Variants in DNAJB6 observed in about 807,000 individuals in gnomAD.
The protein encoded by DNAJB6 is dnaJ homolog subfamily B member 6.
Under a neutral mutation model 42.7 loss-of-function variants are expected in DNAJB6, and 16 were observed. The ratio of observed to expected loss-of-function variants is 0.37; its 90% CI spans 0.25 to 0.57. DNAJB6 has a LOEUF of 0.57. Ranked by LOEUF, DNAJB6 falls within the 20% of genes least tolerant of loss-of-function variation. The probability of loss-of-function intolerance (pLI) is 0.74; values close to 1 mark genes in which losing one functional copy is unlikely to be tolerated. For missense variants in DNAJB6, 347 were observed against 416.8 expected, an observed-to-expected ratio of 0.83 and a Z score of 1.46; for synonymous variants, 170 against 163.5, an observed-to-expected ratio of 1.04 and a Z score of -0.30.
rs118103803 is a variant in DNAJB6 at position 157,387,054 on chromosome 7, G to A, written c.691+1443G>A. On this transcript the variant is annotated intron_variant, in intron 8 of 9. Coordinates refer to ENST00000262177, the MANE Select transcript of DNAJB6 (RefSeq NM_058246.4). ...CTAAACAGCGTGAAAACCGCTAGAA[G>A]GACAGGCGGTTCCCTGACAAACAGC... 5.0e-3 allele frequency among the ~76,000 whole-genome samples: 760 copies of A among 152,324 alleles called. 4 individuals are homozygous for A. The highest frequency in any genetic ancestry group is 8.4e-3 in the Non-Finnish European group (571 of 68,018).
At chr7:157,373,355 T>C (rs1446327841) in intron 5 of DNAJB6, among the ~76,000 whole-genome samples, 1 of 152,166 alleles carries the variant, frequency 6.6e-6, no homozygotes, top group Non-Finnish European at 1.5e-5. Flanking sequence ...ACATGTGCCC[T>C]CACCCCTCGC....
intron 8 of DNAJB6, among the ~76,000 whole-genome samples, chr7:157,403,622 C>T (rs1211618014): frequency 2.6e-5 from 4 of 152,130 alleles, no homozygotes; most frequent in African/African-American, 9.7e-5. Context: ...CAGGTGTGCA[C>T]CCCTGTGCCC....
In DNAJB6 at chr7:157,382,426, C is replaced by T. The variant is rs373089270; in HGVS notation, c.478+49C>T. On this transcript the variant is annotated intron_variant, in intron 6 of 9. Transcript: ENST00000262177. ...TCTGTTATCTTAACAGCAGTTAGTA[C>T]TTATAAAATCATAATACTCTTTTAG... 4 of 1,529,824 alleles carry T rather than the reference C, an allele frequency of 2.6e-6. No homozygotes were observed. In the African/African-American group the frequency reaches 4.2e-5, roughly 16 times the overall value. 94.8% of individuals were successfully genotyped at this position (1,529,824 alleles called of 1,614,324 possible). A position where few individuals can be genotyped will look rare whatever the true frequency, so the allele number is the denominator to read the frequency against.
At chr7:157,394,837 C>T (rs1233666112) in intron 8 of DNAJB6, among the ~76,000 whole-genome samples, 1 of 152,222 alleles carries the variant, frequency 6.6e-6, no homozygotes, top group South Asian at 2.1e-4. Flanking sequence ...TGGCTTACGC[C>T]TGTAATTCCA....
At chr7:157,397,209 GT>G (rs2117149853) in intron 8 of DNAJB6, among the ~76,000 whole-genome samples, 1 of 152,356 alleles carries the variant, frequency 6.6e-6, no homozygotes, top group South Asian at 2.1e-4. Flanking sequence ...TTCCTGGGAA[GT>G]TGCTAAGCTG....
At chr7:157,354,752 A>C (rs1799185970) in intron 1 of DNAJB6, among the ~76,000 whole-genome samples, 1 of 152,186 alleles carries the variant, frequency 6.6e-6, no homozygotes. Context: ...AAGAACAGTG[A>C]ATGAATTTCA....
rs146885017 is a variant in DNAJB6 at position 157,347,252 on chromosome 7, T to A, written c.-27+10108T>A. Among the ~76,000 whole-genome samples, 13 of 152,324 alleles carry A rather than the reference T, an allele frequency of 8.5e-5. No individual in the cohort carries two copies. The East Asian group carries it at 2.5e-3, about 29-fold the overall frequency. ...TGGCATTTGATGAAAACTAAAAAGG[T>A]AATTTTGAGATTTCAAGTACTGGTG... On this transcript the variant is annotated intron_variant, in intron 1 of 9. Coordinates refer to ENST00000262177, the MANE Select transcript of DNAJB6 (RefSeq NM_058246.4).
chr7:157,357,212 G>GTCCGTCCT (rs1554454980), intron 1 of DNAJB6, among the ~76,000 whole-genome samples: 1 of 61,850 alleles, frequency 1.6e-5, no homozygotes, highest in African/African-American at 5.4e-5. Context: ...TGATACTGTT[G>GTCCGTCCT]TCCTTCCTTC....
intron 3 of DNAJB6, among the ~76,000 whole-genome samples, chr7:157,364,754 C>G (rs1489565073): frequency 6.6e-6 from 1 of 152,154 alleles, no homozygotes; most frequent in Non-Finnish European, 1.5e-5. Context: ...TTTAAACTAC[C>G]ACACTGAAAA....
chr7:157,385,551 A>C lies in DNAJB6; in HGVS notation c.631A>C (p.Asn211His). ...RKITTKRIVE[N>H]GQERVEVEED... ...ATTTTTTTCCTACAGAATTGTCGAG[A>C]ACGGTCAAGAAAGAGTAGAAGTTGA... The change falls in exon 8 of 10, where the codon AAC (asparagine) becomes CAC (histidine). Residue 211 changes from asparagine to histidine, a missense_variant. Transcript: ENST00000262177. 3 of 1,613,278 alleles carry C rather than the reference A, an allele frequency of 1.9e-6. No individual in the cohort carries two copies. The highest frequency in any genetic ancestry group is 2.2e-5 in the South Asian group (2 of 90,858).
chr7:157,392,504 TTTTA>T (rs1211945042), intron 8 of DNAJB6, among the ~76,000 whole-genome samples: 1 of 152,136 alleles, frequency 6.6e-6, no homozygotes. Flanking sequence ...GTGTGTTTAC[TTTTA>T]TTTATTTGGA....
chr7:157,377,121 G>C (rs533935822), intron 5 of DNAJB6, among the ~76,000 whole-genome samples: 1 of 152,284 alleles, frequency 6.6e-6, no homozygotes, highest in East Asian at 1.9e-4. Flanking sequence ...GATGACAAAT[G>C]TTTCCTTTTC....
chr7:157,366,386 C>T, intron 3 of DNAJB6, 116 bp from the exon 4 acceptor site: 1 of 931,940 alleles, frequency 1.1e-6, no homozygotes, highest in African/African-American at 1.7e-5. Flanking sequence ...GGCCATACTC[C>T]TTGAAATTCA....
At chr7:157,375,546 A>G (rs917844103) in intron 5 of DNAJB6, among the ~76,000 whole-genome samples, 3 of 152,236 alleles carry the variant, frequency 2.0e-5, no homozygotes, top group Non-Finnish European at 1.5e-5. Context: ...TTTAACAAAT[A>G]TGGCGTGCCT....
chr7:157,369,581 G>T, intron 5 of DNAJB6: 1 of 318,072 alleles, frequency 3.1e-6, no homozygotes, highest in East Asian at 9.1e-5. Context: ...TAAACAGGCC[G>T]TTTCTCAACA....
At position 157,364,095 on chromosome 7, in the gene DNAJB6, C is replaced by CAA. The variant is rs200155406; in HGVS notation, c.175+832_175+833dup. 1.2e-4 allele frequency among the ~76,000 whole-genome samples: 18 copies of CAA among 151,044 alleles called. 1 individual carries two copies. The highest frequency in any genetic ancestry group is 4.1e-4 in the African/African-American group (17 of 41,072). On this transcript the variant is annotated intron_variant, in intron 3 of 9. Transcript: ENST00000262177. ...TCAGGTAATTGGCCCTTATTTACAA[C>CAA]AAAAAAAATTTTTTTTTTTTTTAAA...
chr7:157,404,280 T>C (rs189434763), intron 8 of DNAJB6, among the ~76,000 whole-genome samples: 1 of 150,060 alleles, frequency 6.7e-6, no homozygotes, highest in African/African-American at 2.5e-5. Context: ...AGCCCTACTG[T>C]GCAGTTTTTT....
intron 6 of DNAJB6, among the ~76,000 whole-genome samples, chr7:157,383,120 C>T (rs533337111): frequency 6.6e-6 from 1 of 152,260 alleles, no homozygotes; most frequent in East Asian, 1.9e-4. Flanking sequence ...GATTCTTGTG[C>T]CTCAGCCTCC....
chr7:157,343,628 T>C (rs1798532064), intron 1 of DNAJB6, among the ~76,000 whole-genome samples: 2 of 152,138 alleles, frequency 1.3e-5, no homozygotes, highest in South Asian at 4.1e-4. Flanking sequence ...TTTGTATTTT[T>C]AGTAGAGACG....
Sources: allele counts gnomAD v4.1 joint callset (sites outside exome capture counted in the v4.1 genomes callset), GRCh38; gene constraint gnomAD v4.1.1; transcripts MANE v1.5; gene names NCBI Gene and HGNC (gene_info 2026-07-23, HGNC 2026-07-21).